The following LAMA2 variants were observed in gnomAD, a reference collection of about 807,000 sequenced individuals.
LAMA2 encodes the protein laminin subunit alpha 2.
LAMA2 carries 269 observed loss-of-function variants against 364.8 expected under a neutral mutation model. The observed-to-expected ratio is 0.74, with a 90% CI of 0.67 to 0.82. The LOEUF (loss-of-function observed/expected upper bound fraction) is 0.82. Among genes scored for constraint, LAMA2 ranks in the 40% least tolerant of loss-of-function variants. The pLI is 0.00. For missense variants in LAMA2, 3,807 were observed against 3,873.2 expected, an observed-to-expected ratio of 0.98 and a Z score of 0.45; for synonymous variants, 1,379 against 1,370.6, an observed-to-expected ratio of 1.01 and a Z score of -0.14.
intron 58 of LAMA2, among the ~76,000 whole-genome samples, chr6:129,502,050 ACAGTGG>A (rs1458743907): frequency 2.8e-4 from 42 of 152,320 alleles, no homozygotes; most frequent in Admixed American, 2.4e-3. Context: ...TGATCTTTGA[ACAGTGG>A]CAGTTGAAAT....
At chr6:129,181,152 T>G (rs1396260119) in intron 10 of LAMA2, among the ~76,000 whole-genome samples, 3 of 152,204 alleles carry the variant, frequency 2.0e-5, no homozygotes, top group Admixed American at 2.0e-4. Context: ...ATTCTCCCCT[T>G]ATGTGCTGGC....
intron 12 of LAMA2, among the ~76,000 whole-genome samples, chr6:129,248,318 G>A (rs1785918673): frequency 6.6e-6 from 1 of 152,100 alleles, no homozygotes; most frequent in South Asian, 2.1e-4. Flanking sequence ...CATTATATGT[G>A]ACTTTATTAT....
chr6:129,472,012 G>A (rs1783836855), intron 51 of LAMA2, among the ~76,000 whole-genome samples: 1 of 151,930 alleles, frequency 6.6e-6, no homozygotes, highest in Non-Finnish European at 1.5e-5. Context: ...GATGAGTTGA[G>A]TGAAAATAAT....
At chr6:129,407,650 C>T (rs1431183943) in intron 40 of LAMA2, among the ~76,000 whole-genome samples, 1 of 152,190 alleles carries the variant, frequency 6.6e-6, no homozygotes, top group African/African-American at 2.4e-5. Context: ...CTTCTACTAA[C>T]CATTATGTAT....
intron 28 of LAMA2, among the ~76,000 whole-genome samples, chr6:129,323,426 ACT>A (rs1160830534): frequency 6.6e-6 from 1 of 151,856 alleles, no homozygotes; most frequent in Non-Finnish European, 1.5e-5. Context: ...AGTTGTAAAG[ACT>A]CTTAGCCTTT....
At chr6:129,291,747 T>C in intron 20 of LAMA2, 27 bp downstream of exon 20, 2 of 1,467,114 alleles carry the variant, frequency 1.4e-6, no homozygotes, top group Admixed American at 3.4e-5. Context: ...GACCCATAAA[T>C]TACTTTCTCC....
rs1178016593 is a variant in LAMA2 at position 128,923,334 on chromosome 6, C to T, written c.112+39977C>T. On this transcript the variant is annotated intron_variant, in intron 1 of 64. Transcript: ENST00000421865. ...ATTTTCACGATATTGATTCTTCCTA[C>T]CCATGAGCATGGAATGTTCTTCCAT... is the stretch of plus-strand genomic sequence containing the variant. 5.4e-3 allele frequency among the ~76,000 whole-genome samples: 818 copies of T among 151,144 alleles called. 23 individuals are homozygous for T. The highest frequency in any genetic ancestry group is 1.8e-3 in the Non-Finnish European group (119 of 67,748).
chr6:129,079,329 G>A (rs1161019685), intron 3 of LAMA2, among the ~76,000 whole-genome samples: 1 of 152,072 alleles, frequency 6.6e-6, no homozygotes, highest in African/African-American at 2.4e-5. Context: ...CTTCATCAAA[G>A]ATGTGTGTGT....
intron 8 of LAMA2, among the ~76,000 whole-genome samples, chr6:129,156,003 A>T (rs139378285): frequency 1.3e-5 from 2 of 151,958 alleles, no homozygotes; most frequent in East Asian, 3.9e-4. Flanking sequence ...GTAGGAATAC[A>T]TTGAAGATAT....
intron 45 of LAMA2, among the ~76,000 whole-genome samples, chr6:129,449,277 TA>T (rs1782543933): frequency 1.3e-5 from 2 of 151,944 alleles, no homozygotes; most frequent in African/African-American, 4.8e-5. Context: ...ATAAAGAAAA[TA>T]AATTTATTCT....
At chr6:129,273,609 T>G (rs1024401993) in intron 17 of LAMA2, among the ~76,000 whole-genome samples, 5 of 152,170 alleles carry the variant, frequency 3.3e-5, no homozygotes, top group African/African-American at 1.2e-4. Flanking sequence ...GTTGTCTCTT[T>G]ATTTGTTGTG....
Position 128,960,465 on chromosome 6 carries a change from C to G in LAMA2, c.112+77108C>G, listed in dbSNP as rs970256795. Among the ~76,000 whole-genome samples, 6 of 148,162 alleles carry G rather than the reference C, an allele frequency of 4.0e-5. No individual in the cohort carries two copies. The South Asian group carries it at 8.4e-4, about 21-fold the overall frequency. On this transcript the variant is annotated intron_variant, in intron 1 of 64. Coordinates refer to ENST00000421865, the MANE Select transcript of LAMA2 (RefSeq NM_000426.4). ...GCGATTCTCCGGCCTTGGCCCCACC[C>G]CGCCCCCGCCGACCCCCATGAGTAG...
At chr6:129,192,135 G>A (rs1161196995) in intron 11 of LAMA2, among the ~76,000 whole-genome samples, 1 of 152,182 alleles carries the variant, frequency 6.6e-6, no homozygotes, top group Non-Finnish European at 1.5e-5. Context: ...AAGCCTCAAA[G>A]TAGAAATTTT....
chr6:129,128,694 A>C (rs1362020439), intron 4 of LAMA2, among the ~76,000 whole-genome samples: 1 of 152,284 alleles, frequency 6.6e-6, no homozygotes, highest in African/African-American at 2.4e-5. Context: ...TACAGTTTGC[A>C]GTGTATGCAG....
intron 30 of LAMA2, among the ~76,000 whole-genome samples, chr6:129,346,670 A>C (rs1430017060): frequency 6.6e-6 from 1 of 152,192 alleles, no homozygotes; most frequent in Non-Finnish European, 1.5e-5. Context: ...AATGCTAGGC[A>C]TGGCTCTTCG....
Position 128,930,040 on chromosome 6 carries a change from G to T in LAMA2, c.112+46683G>T, listed in dbSNP as rs543717125. On this transcript the variant is annotated intron_variant, in intron 1 of 64. Transcript: ENST00000421865. Reference sequence around the variant, plus strand: ...TCGGCGTTGCAGAGCACGGGGCGCCGTGGCGCCCGCAGCCCTGCAGGGCCG... The same window carrying T: ...TCGGCGTTGCAGAGCACGGGGCGCCTTGGCGCCCGCAGCCCTGCAGGGCCG... 2.1e-4 allele frequency: 87 copies of T among 420,064 alleles called. 1 individual carries two copies. The East Asian group carries it at 4.8e-3, about 23-fold the overall frequency. The allele number at this position is 420,064 out of a possible 1,614,324, so 26.0% of individuals were successfully genotyped here. A position where few individuals can be genotyped will look rare whatever the true frequency, so the allele number is the denominator to read the frequency against.
At chr6:129,122,628 A>G (rs188261653) in intron 4 of LAMA2, among the ~76,000 whole-genome samples, 91 of 152,220 alleles carry the variant, frequency 6.0e-4, no homozygotes, top group African/African-American at 2.2e-3. Flanking sequence ...GGATTCAGCA[A>G]TCTCCAGGTT....
chr6:129,512,594 G>C (rs921731509), intron 63 of LAMA2, 101 bp downstream of exon 63: 9 of 1,317,114 alleles, frequency 6.8e-6, no homozygotes, highest in Non-Finnish European at 9.9e-6. Context: ...AAGCCCGGCT[G>C]TATTCTTTGT....
Position 129,478,767 on chromosome 6 carries a change from T to G in LAMA2, c.7526T>G (p.Leu2509Arg), listed in dbSNP as rs578183193. ...ATTTCAAGAACTCCGTACAATATACTCAGTAGTCCCGATTATGTTGGTGTT... is the reference window on the plus strand; with the variant it reads ...ATTTCAAGAACTCCGTACAATATACGCAGTAGTCCCGATTATGTTGGTGTT... ...IEISRTPYNILSSPDYVGVTK... is the reference protein window; with the variant it reads ...IEISRTPYNIRSSPDYVGVTK... Residue 2509 changes from leucine to arginine, a missense_variant, in exon 54 of 65, where the codon CTC (leucine) becomes CGC (arginine). Transcript: ENST00000421865. The G allele has an allele frequency of 6.2e-7, 1 of 1,613,016 alleles. No individual in the cohort carries two copies. The highest frequency in any genetic ancestry group is 8.5e-7 in the Non-Finnish European group (1 of 1,179,040).
Sources: gnomAD v4.1 joint callset for allele counts (sites outside exome capture counted in the v4.1 genomes callset) on GRCh38, gnomAD v4.1.1 for gene constraint, MANE v1.5 for transcripts, NCBI Gene and HGNC (gene_info 2026-07-23, HGNC 2026-07-21) for gene names.